Variants in TAFA2 observed in about 807,000 individuals in gnomAD.
TAFA2 encodes the protein chemokine-like protein TAFA-2.
TAFA2 carries 7 observed loss-of-function variants against 18.8 expected under a neutral mutation model. The ratio of observed to expected loss-of-function variants is 0.37; its 90% CI spans 0.21 to 0.70. The LOEUF (loss-of-function observed/expected upper bound fraction) is 0.70, where lower values mean the gene tolerates loss of function less well. TAFA2 is among the 30% of genes least tolerant of loss of function. The pLI, the probability that TAFA2 is intolerant of heterozygous loss-of-function variation, is 0.53. For synonymous variants in TAFA2, 60 were observed against 54.2 expected (o/e 1.11, Z -0.47); for missense variants, 122 against 158.1 (o/e 0.77, Z 1.23).
chr12:61,819,565 T>C (rs1872233845), intron 2 of TAFA2, among the ~76,000 whole-genome samples: 1 of 152,148 alleles, frequency 6.6e-6, no homozygotes, highest in Non-Finnish European at 1.5e-5. Flanking sequence ...TACTGCATTA[T>C]CATTCCCTAT....
intron 1 of TAFA2, among the ~76,000 whole-genome samples, chr12:62,212,575 T>TCTG (rs2062718625): frequency 6.6e-6 from 1 of 151,830 alleles, no homozygotes; most frequent in Non-Finnish European, 1.5e-5. Context: ...CCTCTTCTCC[T>TCTG]CTGTCTGCTG....
chr12:61,986,842 T>C, intron 1 of TAFA2, among the ~76,000 whole-genome samples: 1 of 152,124 alleles, frequency 6.6e-6, no homozygotes, highest in Non-Finnish European at 1.5e-5. Context: ...CATAAGAACA[T>C]AACATTATAT....
intron 4 of TAFA2, among the ~76,000 whole-genome samples, chr12:61,737,234 T>A (rs1481605137): frequency 1.3e-5 from 2 of 151,994 alleles, no homozygotes; most frequent in Admixed American, 6.6e-5. Context: ...CGAGATTTTT[T>A]AAGTTTTTTT....
At position 62,206,579 on chromosome 12, in the gene TAFA2, A is replaced by T. The variant is rs182171236; in HGVS notation, c.-130+52184T>A. Among the ~76,000 whole-genome samples the T allele has an allele frequency of 6.6e-5, 10 of 151,898 alleles. No individual in the cohort carries two copies. The East Asian group carries it at 1.9e-3, about 29-fold the overall frequency. The stretch of plus-strand genomic sequence containing the variant: ...TTCTCACTCCTGTCACCCAGGCGGG[A>T]TGCAGTGGCACAATCACAGCTCATT... On this transcript the variant is annotated intron_variant, in intron 1 of 5. Transcript: ENST00000551619.
At chr12:61,928,348 G>A (rs34866298) in intron 1 of TAFA2, among the ~76,000 whole-genome samples, 26,020 of 152,078 alleles carry the variant, frequency 0.17, 2,301 homozygotes, top group East Asian at 0.22. Flanking sequence ...ATCAAAAAGT[G>A]GGCAAAAGAT....
At chr12:62,086,151 G>A (rs943957568) in intron 1 of TAFA2, among the ~76,000 whole-genome samples, 2 of 150,850 alleles carry the variant, frequency 1.3e-5, no homozygotes, top group African/African-American at 2.4e-5. Context: ...TTATGAGAAC[G>A]GACTAAGACA....
chr12:62,245,393 C>T (rs2136991830), intron 1 of TAFA2, among the ~76,000 whole-genome samples: 1 of 151,922 alleles, frequency 6.6e-6, no homozygotes, highest in South Asian at 2.1e-4. Flanking sequence ...TTTGTGTGAT[C>T]TTATGTTCAA....
At chr12:61,880,597 G>A (rs918873113) in intron 1 of TAFA2, 11 of 429,594 alleles carry the variant, frequency 2.6e-5, no homozygotes, top group Non-Finnish European at 3.2e-5. Flanking sequence ...GGCTGAGCTC[G>A]GCCTATGGGG....
chr12:62,010,901 C>T (rs1257262534), intron 1 of TAFA2, among the ~76,000 whole-genome samples: 848 of 78,892 alleles, frequency 0.011, 26 homozygotes, highest in Middle Eastern at 0.018. Context: ...GTGGGGAGCG[C>T]CTCTGCCCGG....
At chr12:62,125,092 GT>G (rs1361916674) in intron 1 of TAFA2, among the ~76,000 whole-genome samples, 3 of 152,118 alleles carry the variant, frequency 2.0e-5, no homozygotes, top group African/African-American at 7.2e-5. Flanking sequence ...ATAGAAAGAG[GT>G]TGGGGAAAAA....
intron 1 of TAFA2, among the ~76,000 whole-genome samples, chr12:61,978,874 T>G (rs1181309351): frequency 2.6e-5 from 4 of 152,072 alleles, no homozygotes; most frequent in Non-Finnish European, 4.4e-5. Flanking sequence ...CTTGCCAATG[T>G]TGCCTACATT....
chr12:61,759,337 T>C (rs7306069), intron 2 of TAFA2, among the ~76,000 whole-genome samples: 78,439 of 151,756 alleles, frequency 0.52, 20,748 homozygotes, highest in African/African-American at 0.63. Context: ...GTGCTTTGTC[T>C]AGTGAAATGA....
At position 62,147,316 on chromosome 12, in the gene TAFA2, GTGTATGTATGTATATATATATATATA is replaced by G. The variant is rs1367831329; in HGVS notation, c.-2+43917_-2+43942del. On this transcript the variant is annotated intron_variant, in intron 1 of 4. Transcript: ENST00000416284. ...TATATATGTATGCATGTGTGTGTGT[GTGTATGTATGTATATATATATATATA>G]TATATATATATATATATATATATAT... 7.9e-4 allele frequency among the ~76,000 whole-genome samples: 36 copies of G among 45,350 alleles called. 1 individual carries two copies. Among genetic ancestry groups the G allele is most frequent in the South Asian group, 2.8e-3 (3 of 1,058 alleles). The allele number at this position is 45,350 out of a possible 152,430, so 29.8% of individuals were successfully genotyped here. A position where few individuals can be genotyped will look rare whatever the true frequency, so the allele number is the denominator to read the frequency against.
intron 4 of TAFA2, among the ~76,000 whole-genome samples, chr12:61,737,518 A>C (rs10784256): frequency 0.29 from 43,394 of 151,246 alleles, 6,728 homozygotes; most frequent in South Asian, 0.38. Flanking sequence ...GCATGGGGTT[A>C]AGAACATCAT....
At chr12:61,821,749 T>C (rs1041264389) in intron 2 of TAFA2, among the ~76,000 whole-genome samples, 2 of 152,060 alleles carry the variant, frequency 1.3e-5, no homozygotes, top group African/African-American at 4.8e-5. Flanking sequence ...TACAGAAAAA[T>C]GTTTTTAAAA....
intron 1 of TAFA2, among the ~76,000 whole-genome samples, chr12:61,947,711 T>C (rs1878328357): frequency 6.6e-6 from 1 of 152,126 alleles, no homozygotes; most frequent in Non-Finnish European, 1.5e-5. Flanking sequence ...CCCCTGAAAG[T>C]TAAGTTGCTC....
At chr12:62,150,981 G>A (rs2062324298) in intron 1 of TAFA2, among the ~76,000 whole-genome samples, 2 of 148,552 alleles carry the variant, frequency 1.3e-5, no homozygotes, top group Non-Finnish European at 1.5e-5. Context: ...ACATCCAAGT[G>A]TTGAAGGCCT....
At chr12:62,215,641 AAAC>A (rs1394046478) in intron 1 of TAFA2, among the ~76,000 whole-genome samples, 1 of 104,506 alleles carries the variant, frequency 9.6e-6, no homozygotes, top group African/African-American at 3.5e-5. Flanking sequence ...AAAAAAAAAA[AAAC>A]AAGAGGAAGA....
intron 1 of TAFA2, among the ~76,000 whole-genome samples, chr12:62,016,403 T>G (rs372330430): frequency 1.3e-5 from 2 of 152,096 alleles, no homozygotes; most frequent in Admixed American, 1.3e-4. Context: ...ACAAAGAAAT[T>G]TTTACCCCTC....
Sources: gnomAD v4.1 joint callset for allele counts (sites outside exome capture counted in the v4.1 genomes callset) on GRCh38, gnomAD v4.1.1 for gene constraint, MANE v1.5 for transcripts, NCBI Gene and HGNC (gene_info 2026-07-23, HGNC 2026-07-21) for gene names.